SMIM35: variants seen among roughly 807,000 people sequenced by gnomAD.
SMIM35 encodes TMPRSS4 antisense RNA 1 (non-protein coding).
intron 1 of SMIM35, among the ~76,000 whole-genome samples, chr11:118,070,110 C>T (rs765312602): frequency 4.6e-5 from 7 of 152,174 alleles, no homozygotes; most frequent in Admixed American, 6.5e-5. Flanking sequence ...GTTCATTATC[C>T]GGATACTGAG....
intron 1 of SMIM35, among the ~76,000 whole-genome samples, chr11:118,043,654 C>A (rs1944041440): frequency 1.3e-5 from 2 of 151,706 alleles, no homozygotes; most frequent in Admixed American, 1.3e-4. Flanking sequence ...ACTAAAAATA[C>A]AAAAAATTAA....
At chr11:118,060,624 T>C (rs1324225741) in intron 1 of SMIM35, among the ~76,000 whole-genome samples, 1 of 152,076 alleles carries the variant, frequency 6.6e-6, no homozygotes, top group Non-Finnish European at 1.5e-5. Context: ...CATCCTGTGT[T>C]CCTCTGGACC....
intron 1 of SMIM35, among the ~76,000 whole-genome samples, chr11:118,084,330 A>G (rs1296754740): frequency 6.6e-6 from 1 of 152,148 alleles, no homozygotes; most frequent in Non-Finnish European, 1.5e-5. Context: ...GCAAGGAAAA[A>G]CTTCATGAAG....
At chr11:118,054,596 A>G (rs1022166023) in intron 1 of SMIM35, among the ~76,000 whole-genome samples, 6 of 152,154 alleles carry the variant, frequency 3.9e-5, no homozygotes, top group African/African-American at 1.2e-4. Flanking sequence ...TCATCTGCTC[A>G]TAACTCTTAT....
At chr11:118,050,891 A>G (rs1315440376) in intron 1 of SMIM35, among the ~76,000 whole-genome samples, 2 of 152,160 alleles carry the variant, frequency 1.3e-5, no homozygotes, top group Non-Finnish European at 1.5e-5. Flanking sequence ...TTTGTAGAAA[A>G]TGGCTCCAGT....
intron 1 of SMIM35, chr11:118,076,871 C>A (rs940538533): frequency 6.1e-6 from 1 of 162,780 alleles, no homozygotes; most frequent in Non-Finnish European, 1.3e-5. Flanking sequence ...TCAGCCAACA[C>A]CCAGTTGGGT....
intron 1 of SMIM35, among the ~76,000 whole-genome samples, chr11:118,031,651 AG>A (rs1228302708): frequency 6.6e-6 from 1 of 152,322 alleles, no homozygotes; most frequent in South Asian, 2.1e-4. Context: ...ATTAATTAAA[AG>A]TTTACTGCAC....
At chr11:118,079,937 G>C (rs975466333) in intron 1 of SMIM35, among the ~76,000 whole-genome samples, 1 of 152,200 alleles carries the variant, frequency 6.6e-6, no homozygotes, top group Non-Finnish European at 1.5e-5. Context: ...AGGAGGGGCT[G>C]CTTGCTTTGC....
intron 1 of SMIM35, among the ~76,000 whole-genome samples, chr11:118,079,653 C>T (rs963767786): frequency 3.9e-5 from 6 of 152,198 alleles, no homozygotes; most frequent in African/African-American, 1.4e-4. Flanking sequence ...CTGACGCTTC[C>T]GGCTGCTCTG....
chr11:118,015,205 C>G (rs563014710), intron 2 of SMIM35, among the ~76,000 whole-genome samples: 4 of 152,346 alleles, frequency 2.6e-5, no homozygotes, highest in African/African-American at 9.6e-5. Context: ...GCACACCCTT[C>G]CAGTTTTCCC....
chr11:118,017,935 T>C (rs1292060214), intron 1 of SMIM35, among the ~76,000 whole-genome samples: 1 of 152,138 alleles, frequency 6.6e-6, no homozygotes, highest in Admixed American at 6.5e-5. Flanking sequence ...ACCCCCATGA[T>C]TAAATCACCT....
At chr11:118,014,633 T>A (rs1036043219) in intron 3 of SMIM35, 75 bp downstream of exon 3, 1 of 398,594 alleles carries the variant, frequency 2.5e-6, no homozygotes, top group Non-Finnish European at 4.4e-6. Flanking sequence ...CAGTTCTTAA[T>A]CTATCTTTGA....
chr11:118,050,077 A>G (rs994974099), intron 1 of SMIM35, among the ~76,000 whole-genome samples: 4 of 152,200 alleles, frequency 2.6e-5, no homozygotes, highest in African/African-American at 9.7e-5. Flanking sequence ...GCTTGCCTTC[A>G]GAGGAGTGTG....
At chr11:118,076,100 T>C (rs559041530) in intron 1 of SMIM35, among the ~76,000 whole-genome samples, 1 of 152,246 alleles carries the variant, frequency 6.6e-6, no homozygotes, top group South Asian at 2.1e-4. Context: ...AAACCCCATC[T>C]CTACTAAAAA....
intron 4 of SMIM35, among the ~76,000 whole-genome samples, chr11:118,011,061 A>G (rs1457131202): frequency 1.3e-5 from 2 of 152,248 alleles, no homozygotes; most frequent in Admixed American, 6.5e-5. Flanking sequence ...GGGTGAAGAA[A>G]GCTGTGCTCG....
intron 1 of SMIM35, among the ~76,000 whole-genome samples, chr11:118,019,761 T>C (rs904587032): frequency 6.6e-6 from 1 of 152,220 alleles, no homozygotes; most frequent in African/African-American, 2.4e-5. Flanking sequence ...AATTCATTTT[T>C]GTATACATTA....
intron 1 of SMIM35, among the ~76,000 whole-genome samples, chr11:118,017,753 G>C: frequency 6.6e-6 from 1 of 152,162 alleles, no homozygotes; most frequent in East Asian, 1.9e-4. Context: ...CAGCATGGCT[G>C]GGGAGGCCTC....
chr11:118,028,348 T>C (rs2058291149), intron 1 of SMIM35, among the ~76,000 whole-genome samples: 1 of 152,318 alleles, frequency 6.6e-6, no homozygotes, highest in African/African-American at 2.4e-5. Context: ...CCTTGGTCAT[T>C]GCTCCAGTCA....
chr11:118,082,330 G>C (rs764582203), intron 1 of SMIM35, among the ~76,000 whole-genome samples: 10 of 152,148 alleles, frequency 6.6e-5, no homozygotes, highest in Non-Finnish European at 1.5e-4. Flanking sequence ...GGAGGCCTAG[G>C]TGGGCGGATC....
Sources: gnomAD v4.1 joint callset for allele counts (sites outside exome capture counted in the v4.1 genomes callset) on GRCh38, gnomAD v4.1.1 for gene constraint, MANE v1.5 for transcripts, NCBI Gene and HGNC (gene_info 2026-07-23, HGNC 2026-07-21) for gene names.